Variants in LCLAT1 observed in about 807,000 individuals in gnomAD.
The protein encoded by LCLAT1 is 1-AGP acyltransferase 8.
LCLAT1 carries 11 observed loss-of-function variants against 30.7 expected under a neutral mutation model. The observed-to-expected ratio is 0.36, with a 90% CI of 0.23 to 0.59. The LOEUF is 0.59. LCLAT1 is among the 20% of genes least tolerant of loss of function. The pLI is 0.77. For missense variants in LCLAT1, 402 were observed against 458.6 expected (o/e 0.88, Z 1.13); for synonymous variants, 155 against 151.3 (o/e 1.02, Z -0.18).
chr2:30,626,750 G>A (rs1017539364), intron 5 of LCLAT1, among the ~76,000 whole-genome samples: 1 of 150,302 alleles, frequency 6.7e-6, no homozygotes, highest in African/African-American at 2.4e-5. Flanking sequence ...TTCCTCTTTA[G>A]TAATGAAGCA....
chr2:30,480,531 T>C (rs1447064867), intron 1 of LCLAT1, among the ~76,000 whole-genome samples: 1 of 152,170 alleles, frequency 6.6e-6, no homozygotes. Context: ...AAATATAAAA[T>C]GACAGTATCA....
At chr2:30,616,172 C>T (rs1391982293) in intron 5 of LCLAT1, among the ~76,000 whole-genome samples, 2 of 152,092 alleles carry the variant, frequency 1.3e-5, no homozygotes, top group Non-Finnish European at 2.9e-5. Context: ...GGTAAGTGAA[C>T]GGTTTTTTTG....
At chr2:30,468,201 G>A (rs1488816384) in intron 1 of LCLAT1, among the ~76,000 whole-genome samples, 1 of 152,180 alleles carries the variant, frequency 6.6e-6, no homozygotes, top group Non-Finnish European at 1.5e-5. Context: ...ATTAAATAGG[G>A]AATCCTTTCC....
intron 3 of LCLAT1, among the ~76,000 whole-genome samples, chr2:30,556,434 A>T (rs1410187953): frequency 1.3e-5 from 2 of 152,188 alleles, no homozygotes; most frequent in Non-Finnish European, 2.9e-5. Flanking sequence ...TTAAGACAGA[A>T]AATGGGAGAA....
rs141849384 is a variant in LCLAT1, at chr2:30,600,107, G to A, written c.628+31931G>A. 2.0e-5 allele frequency among the ~76,000 whole-genome samples: 3 copies of A among 152,148 alleles called. No individual in the cohort carries two copies. In the East Asian group the frequency reaches 5.8e-4, roughly 29 times the overall value. On this transcript the variant is annotated intron_variant, in intron 5 of 5. Transcript: ENST00000379509. ...TCAGGAGTTCTTGCAAGGCAGGCCT[G>A]GTTGTGACAGATTACCTCAGCATCT...
At chr2:30,463,724 A>C (rs1164207907) in intron 1 of LCLAT1, among the ~76,000 whole-genome samples, 12 of 152,212 alleles carry the variant, frequency 7.9e-5, no homozygotes, top group Admixed American at 7.9e-4. Context: ...ATGTCATTTT[A>C]TATAAGGAAC....
intron 2 of LCLAT1, 67 bp from the exon 3 acceptor site, chr2:30,533,049 G>C (rs185844444): frequency 9.6e-7 from 1 of 1,039,190 alleles, no homozygotes; most frequent in Non-Finnish European, 1.5e-6. Flanking sequence ...TATTTATAGG[G>C]CATGATAAAA....
intron 3 of LCLAT1, among the ~76,000 whole-genome samples, chr2:30,551,673 A>G (rs1664687991): frequency 6.6e-6 from 1 of 152,166 alleles, no homozygotes; most frequent in African/African-American, 2.4e-5. Context: ...TAGGATTGCT[A>G]CGGGATCTGT....
chr2:30,456,849 C>G (rs1681863466), intron 1 of LCLAT1, among the ~76,000 whole-genome samples: 1 of 152,222 alleles, frequency 6.6e-6, no homozygotes, highest in East Asian at 1.9e-4. Context: ...TTGTACTTAG[C>G]TAGAGCAGTA....
At chr2:30,464,437 G>C (rs1203500836) in intron 1 of LCLAT1, among the ~76,000 whole-genome samples, 1 of 152,094 alleles carries the variant, frequency 6.6e-6, no homozygotes, top group Non-Finnish European at 1.5e-5. Flanking sequence ...TTGGAAAGTA[G>C]TTTGTCTCAA....
At chr2:30,588,629 C>T (rs1388436311) in intron 5 of LCLAT1, among the ~76,000 whole-genome samples, 1 of 151,962 alleles carries the variant, frequency 6.6e-6, no homozygotes, top group African/African-American at 2.4e-5. Flanking sequence ...TATTGTTGCC[C>T]AGGCTGGAGT....
chr2:30,452,158 T>G (rs1681583102), intron 1 of LCLAT1, among the ~76,000 whole-genome samples: 1 of 152,146 alleles, frequency 6.6e-6, no homozygotes, highest in South Asian at 2.1e-4. Context: ...GTTACATGGG[T>G]GTATGTATAT....
At chr2:30,630,548 G>T (rs1256622042) in intron 5 of LCLAT1, among the ~76,000 whole-genome samples, 1 of 151,976 alleles carries the variant, frequency 6.6e-6, no homozygotes, top group Non-Finnish European at 1.5e-5. Context: ...AATATTTTTT[G>T]AATTCAGAGA....
chr2:30,532,292 T>C (rs935916427), intron 2 of LCLAT1, among the ~76,000 whole-genome samples: 1 of 152,222 alleles, frequency 6.6e-6, no homozygotes, highest in African/African-American at 2.4e-5. Flanking sequence ...TATCATGATA[T>C]TCGCCAAGAG....
chr2:30,516,971 G>A (rs2148368198), intron 1 of LCLAT1, among the ~76,000 whole-genome samples: 1 of 152,286 alleles, frequency 6.6e-6, no homozygotes, highest in Non-Finnish European at 1.5e-5. Flanking sequence ...GAAGCTGAGG[G>A]CCGACTAGAA....
chr2:30,555,529 T>C (rs964501530), intron 3 of LCLAT1, among the ~76,000 whole-genome samples: 2 of 152,158 alleles, frequency 1.3e-5, no homozygotes, highest in African/African-American at 4.8e-5. Flanking sequence ...TTTTTGCAAC[T>C]GTTGGGTGAT....
At chr2:30,572,084 G>A (rs1200979904) in intron 5 of LCLAT1, among the ~76,000 whole-genome samples, 2 of 152,154 alleles carry the variant, frequency 1.3e-5, no homozygotes, top group African/African-American at 4.8e-5. Flanking sequence ...GACCTTTGAT[G>A]TCTCTTCATG....
intron 5 of LCLAT1, among the ~76,000 whole-genome samples, chr2:30,579,653 G>T (rs1334970460): frequency 6.6e-6 from 1 of 152,092 alleles, no homozygotes; most frequent in Non-Finnish European, 1.5e-5. Flanking sequence ...AGTGTAGTCA[G>T]GGTTACTCAG....
In LCLAT1 at chr2:30,512,108, G is replaced by A. The variant is rs536901900; in HGVS notation, c.-4-13479G>A. Among the ~76,000 whole-genome samples, 50 of 152,228 alleles carry A rather than the reference G, an allele frequency of 3.3e-4. 2 individuals are homozygous for A. The South Asian group carries it at 0.01, about 32-fold the overall frequency. ...TCTTTGTAGGTGTGGGATTTTTAGTGTGTTTTTTGAGAGAGCACAATTAGA... is the reference window on the plus strand; with the variant it reads ...TCTTTGTAGGTGTGGGATTTTTAGTATGTTTTTTGAGAGAGCACAATTAGA... On this transcript the variant is annotated intron_variant, in intron 1 of 5. Transcript: ENST00000379509.
Sources: gnomAD v4.1 joint callset for allele counts (sites outside exome capture counted in the v4.1 genomes callset) on GRCh38, gnomAD v4.1.1 for gene constraint, MANE v1.5 for transcripts, NCBI Gene and HGNC (gene_info 2026-07-23, HGNC 2026-07-21) for gene names.